The following PYGO1 variants were observed in gnomAD, a reference collection of about 807,000 sequenced individuals.
The protein encoded by PYGO1 is pygopus family PHD finger 1, also known as pygopus homolog 1.
PYGO1 carries 6 observed loss-of-function variants against 29.5 expected under a neutral mutation model. The ratio of observed to expected loss-of-function variants is 0.20; its 90% confidence interval spans 0.11 to 0.40. The LOEUF is 0.40. Ranked by LOEUF, PYGO1 falls within the 10% of genes least tolerant of loss-of-function variation. The pLI, the probability that PYGO1 is intolerant of heterozygous loss-of-function variation, is 1.00. For missense variants in PYGO1, 515 were observed against 514.9 expected (o/e 1.00, Z 0.00); for synonymous variants, 186 against 180.5 (o/e 1.03, Z -0.24).
chr15:55,578,493 C>T (rs1014485241), intron 1 of PYGO1, among the ~76,000 whole-genome samples: 1 of 152,180 alleles, frequency 6.6e-6, no homozygotes, highest in Non-Finnish European at 1.5e-5. Context: ...ATGAGGGTTA[C>T]AATCCACATC....
chr15:55,588,800 G>C, upstream of PYGO1: 1 of 1,613,528 alleles, frequency 6.2e-7, no homozygotes, highest in Non-Finnish European at 8.5e-7. Context: ...AAAGATGAAC[G>C]TACCATGCGA....
Position 55,588,096 on chromosome 15 carries a change from G to T in PYGO1, c.-213C>A. 1.0e-6 allele frequency: 1 copy of T among 1,002,568 alleles called. No homozygotes were observed. Among genetic ancestry groups the T allele is most frequent in the African/African-American group, 1.7e-5 (1 of 57,344 alleles). The allele number at this position is 1,002,568 out of a possible 1,614,324, so 62.1% of individuals were successfully genotyped here. On this transcript the variant is annotated 5_prime_UTR_variant, in exon 1 of 3. Coordinates refer to ENST00000563719, the MANE Select transcript of PYGO1 (RefSeq NM_001367806.1). ...GCGGCGGGGCGGCGGGGCGGCGTGC[G>T]GGCACCGGCGGGGCTCAGCGGCGGT...
Position 55,573,088 on chromosome 15 carries a change from C to T in PYGO1, c.49+14747G>A, listed in dbSNP as rs138955007. Among the ~76,000 whole-genome samples, 925 of 151,438 alleles carry T rather than the reference C, an allele frequency of 6.1e-3. 38 individuals carry two copies. The East Asian group carries it at 0.11, about 18-fold the overall frequency. On this transcript the variant is annotated intron_variant, in intron 1 of 2. Coordinates refer to ENST00000563719, the MANE Select transcript of PYGO1 (RefSeq NM_001367806.1). Reference sequence around the variant, plus strand: ...TTGGGAGGCTGAGGTGGGCGGATCACGAGGTCAGGAGTTCGAGACCAGCCT... The same window carrying T: ...TTGGGAGGCTGAGGTGGGCGGATCATGAGGTCAGGAGTTCGAGACCAGCCT...
intron 1 of PYGO1, among the ~76,000 whole-genome samples, chr15:55,582,096 A>C (rs1336283222): frequency 6.6e-6 from 1 of 150,784 alleles, no homozygotes; most frequent in African/African-American, 2.4e-5. Context: ...AATCCCAGCT[A>C]CTCTGGAGGC....
chr15:55,581,465 T>C (rs919392120), intron 1 of PYGO1, among the ~76,000 whole-genome samples: 2 of 152,118 alleles, frequency 1.3e-5, no homozygotes, highest in East Asian at 1.9e-4. Context: ...CTAAAGGTAA[T>C]AGGAAACCAC....
At chr15:55,565,568 TA>T (rs1475198971) in intron 1 of PYGO1, among the ~76,000 whole-genome samples, 1 of 150,588 alleles carries the variant, frequency 6.6e-6, no homozygotes, top group Non-Finnish European at 1.5e-5. Flanking sequence ...AAAAAAAAAT[TA>T]GCCAGGCTGG....
intron 1 of PYGO1, among the ~76,000 whole-genome samples, chr15:55,559,665 G>A (rs2058923774): frequency 6.6e-6 from 1 of 151,926 alleles, no homozygotes; most frequent in Non-Finnish European, 1.5e-5. Flanking sequence ...TGAAAAGGAG[G>A]GACTCCTCCC....
intron 1 of PYGO1, among the ~76,000 whole-genome samples, chr15:55,568,797 G>C (rs1171569036): frequency 6.6e-6 from 1 of 152,070 alleles, no homozygotes; most frequent in Non-Finnish European, 1.5e-5. Context: ...TTTTTATCGT[G>C]ATAGGATGTT....
At chr15:55,573,958 CT>C (rs1186216781) in intron 1 of PYGO1, among the ~76,000 whole-genome samples, 1 of 152,156 alleles carries the variant, frequency 6.6e-6, no homozygotes, top group Non-Finnish European at 1.5e-5. Flanking sequence ...AATCATCTGT[CT>C]GAAATGGCGG....
chr15:55,566,642 A>G (rs1346266107), intron 1 of PYGO1, among the ~76,000 whole-genome samples: 1 of 152,152 alleles, frequency 6.6e-6, no homozygotes, highest in Non-Finnish European at 1.5e-5. Context: ...TTTATTTGAG[A>G]AATCTCCAAA....
chr15:55,548,654 T>C (rs111479243), intron 2 of PYGO1, among the ~76,000 whole-genome samples: 8,066 of 129,102 alleles, frequency 0.062, 270 homozygotes, highest in Middle Eastern at 0.089. Flanking sequence ...TGCAGTGAGC[T>C]GAGATCACCC....
intron 1 of PYGO1, among the ~76,000 whole-genome samples, 165 bp downstream of exon 1, chr15:55,587,670 C>CG (rs1161809580): frequency 6.6e-6 from 1 of 151,804 alleles, no homozygotes. Flanking sequence ...AGCGGGCGCC[C>CG]GGGCCGCGCG....
At chr15:55,562,606 G>A (rs2058937627) in intron 1 of PYGO1, among the ~76,000 whole-genome samples, 1 of 151,894 alleles carries the variant, frequency 6.6e-6, no homozygotes, top group South Asian at 2.1e-4. Flanking sequence ...GGGAGGCAGA[G>A]GTTACAGTAA....
intron 1 of PYGO1, among the ~76,000 whole-genome samples, chr15:55,567,303 G>A (rs906048851): frequency 3.0e-5 from 4 of 135,158 alleles, no homozygotes; most frequent in Non-Finnish European, 6.2e-5. Context: ...AAACTCCTGG[G>A]CTCAAGAGAT....
chr15:55,586,419 C>G (rs1346634703), intron 1 of PYGO1, among the ~76,000 whole-genome samples: 1 of 152,158 alleles, frequency 6.6e-6, no homozygotes, highest in East Asian at 1.9e-4. Context: ...ACACCAGGCC[C>G]TCTAATACAC....
Position 55,587,741 on chromosome 15 carries a change from C to G in PYGO1, c.49+94G>C, listed in dbSNP as rs555237819. 1.2e-4 allele frequency: 160 copies of G among 1,376,754 alleles called. No individual in the cohort carries two copies. The African/African-American group carries it at 1.9e-3, about 16-fold the overall frequency. The allele number at this position is 1,376,754 out of a possible 1,614,324, so 85.3% of individuals were successfully genotyped here. ...GACGCGGGCTGCGCGGACTTAGGCC[C>G]GGACAGAGCCCCATGGCCTCCCGGC... On this transcript the variant is annotated intron_variant, in intron 1 of 2. Coordinates refer to ENST00000563719, the MANE Select transcript of PYGO1 (RefSeq NM_001367806.1).
chr15:55,577,641 A>T (rs1381382709), intron 1 of PYGO1, among the ~76,000 whole-genome samples: 1 of 152,068 alleles, frequency 6.6e-6, no homozygotes. Context: ...GGTGATTTTT[A>T]TTCACCTGGT....
rs1363601070 is a variant in PYGO1, at chr15:55,588,326, CG to C, written c.-444del. Among the ~76,000 whole-genome samples the C allele has an allele frequency of 1.1e-4, 17 of 148,636 alleles. No homozygotes were observed. The highest frequency in any genetic ancestry group is 3.4e-4 in the African/African-American group (14 of 41,152). On this transcript the variant is annotated 5_prime_UTR_variant, in exon 1 of 3. Transcript: ENST00000563719. ...CTGAGGAGGAGGTCTGCTCTCTCGC[CG>C]CTCCCGAGTCGCAGACACAAAAGCC...
At chr15:55,588,622 A>T (rs2059061018), upstream of PYGO1, among the ~76,000 whole-genome samples, 1 of 149,790 alleles carries the variant, frequency 6.7e-6, no homozygotes, top group Non-Finnish European at 1.5e-5. Flanking sequence ...GCGCGCGCCT[A>T]GGGGCCGCCC....
Sources: allele counts gnomAD v4.1 joint callset (sites outside exome capture counted in the v4.1 genomes callset), GRCh38; gene constraint gnomAD v4.1.1; transcripts MANE v1.5; gene names NCBI Gene and HGNC (gene_info 2026-07-23, HGNC 2026-07-21).